Variants in POLR1G observed in about 807,000 individuals in gnomAD.
POLR1G encodes DNA-directed RNA polymerase I subunit RPA34.
In POLR1G, 9 loss-of-function variants were observed where a neutral mutation model predicts 6.3. The observed-to-expected ratio is 1.44, with a 90% CI of 0.87 to 2.51. The LOEUF (loss-of-function observed/expected upper bound fraction) is 2.51, where lower values mean the gene tolerates loss of function less well. POLR1G is among the 30% of genes most tolerant of loss of function. POLR1G has a pLI of 0.00. For synonymous variants in POLR1G, 248 were observed against 256.5 expected, an observed-to-expected ratio of 0.97 and a Z score of 0.32; for missense variants, 617 against 632.5, an observed-to-expected ratio of 0.98 and a Z score of 0.26.
Position 45,408,182 on chromosome 19 carries a change from A to C in POLR1G, c.214A>C (p.Lys72Gln), listed in dbSNP as rs1455919962. The C allele has an allele frequency of 3.7e-6, 6 of 1,612,602 alleles. No homozygotes were observed. Among genetic ancestry groups the C allele is most frequent in the Non-Finnish European group, 5.1e-6 (6 of 1,178,936 alleles). ...CTCTGGCTCCCAGATCGTCAAGGGC[A>C]AATTGGCAGGCAAGCGGCACCGCTA... Reference protein sequence around the residue: ...PLSGSQIVKGKLAGKRHRYRV... With the variant: ...PLSGSQIVKGQLAGKRHRYRV... Residue 72 changes from lysine to glutamine, a missense_variant, in exon 3 of 3, where the codon AAA becomes CAA. Coordinates refer to ENST00000309424, the MANE Select transcript of POLR1G (RefSeq NM_012099.3).
chr19:45,408,952 G>T lies in POLR1G; in HGVS notation c.984G>T (p.Lys328Asn), dbSNP rs752666450. 1.9e-6 allele frequency: 3 copies of T among 1,614,020 alleles called. No individual in the cohort carries two copies. Among genetic ancestry groups the T allele is most frequent in the Non-Finnish European group, 2.5e-6 (3 of 1,179,992 alleles). ...AAGCCATCCCTCTGCCCCCTACGAA[G>T]AAGAGGAAAAAAGAAAAGGGACAGA... is the stretch of plus-strand genomic sequence containing the variant. Reference protein sequence around the residue: ...LEEAIPLPPTKKRKKEKGQMA... With the variant: ...LEEAIPLPPTNKRKKEKGQMA... The change falls in exon 3 of 3, where the codon AAG becomes AAT. Residue 328 changes from lysine (K) to asparagine (N), a missense_variant. Transcript: ENST00000309424.
chr19:45,409,160 G>A lies in POLR1G; in HGVS notation c.1192G>A (p.Glu398Lys). The change falls in exon 3 of 3, where the codon GAG becomes AAG. Residue 398 changes from glutamate to lysine, a missense_variant. Coordinates refer to ENST00000309424, the MANE Select transcript of POLR1G (RefSeq NM_012099.3). Reference sequence around the variant, plus strand: ...AGAAAAACAGCAAGATGCCACAGTGGAGCCAGAGACAGAGGTGGTGGGGCC... The same window carrying A: ...AGAAAAACAGCAAGATGCCACAGTGAAGCCAGAGACAGAGGTGGTGGGGCC... Reference protein sequence around the residue: ...KKEKQQDATVEPETEVVGPEL... With the variant: ...KKEKQQDATVKPETEVVGPEL... 1.2e-5 allele frequency: 19 copies of A among 1,613,576 alleles called. No individual in the cohort carries two copies. The highest frequency in any genetic ancestry group is 1.6e-5 in the Non-Finnish European group (19 of 1,179,686).
chr19:45,408,622 T>A lies in POLR1G; in HGVS notation c.654T>A (p.Asn218Lys), dbSNP rs756199096. 2 of 1,610,722 alleles carry A rather than the reference T, an allele frequency of 1.2e-6. No homozygotes were observed. The highest frequency in any genetic ancestry group is 4.5e-5 in the East Asian group (2 of 44,740). The change falls in exon 3 of 3, where the codon AAT (asparagine) becomes AAA (lysine). Residue 218 changes from asparagine (N) to lysine (K), a missense_variant. Asn to Lys is a moderately conservative substitution (Grantham distance 94, BLOSUM62 0). Transcript: ENST00000309424. ...MDVRKKKKKK[N>K]QQLKEPEAAG... ...TGCGGAAGAAGAAGAAGAAAAAAAA[T>A]CAGCAGCTGAAAGAACCAGAGGCAG...
Position 45,408,597 on chromosome 19 carries a change from T to G in POLR1G, c.629T>G (p.Val210Gly). ...GCTTTGGGGTCGCCAGAAATGGATG[T>G]GCGGAAGAAGAAGAAGAAAAAAAAT... ...DMALGSPEMD[V>G]RKKKKKKNQQ... is the part of the protein sequence containing the mutation. Residue 210 changes from valine (V) to glycine (G), a missense_variant, in exon 3 of 3, where the codon GTG (valine) becomes GGG (glycine). Val to Gly is a moderately radical substitution (Grantham distance 109, BLOSUM62 -3). Coordinates refer to ENST00000309424, the MANE Select transcript of POLR1G (RefSeq NM_012099.3). 1 of 1,612,114 alleles carries G rather than the reference T, an allele frequency of 6.2e-7. No individual in the cohort carries two copies. The highest frequency in any genetic ancestry group is 1.3e-5 in the African/African-American group (1 of 74,330).
chr19:45,408,060 AC>A (rs1973451773), intron 2 of POLR1G, 72 bp from the exon 3 acceptor site: 18 of 1,441,306 alleles, frequency 1.2e-5, no homozygotes, highest in South Asian at 7.0e-5. Context: ...TCAAAAAAAA[AC>A]AAAAAAAAAA....
rs1196537456 is a variant in POLR1G, at chr19:45,409,890, TTATTA to T, written c.*391_*395del. On this transcript the variant is annotated 3_prime_UTR_variant, in exon 3 of 3. Coordinates refer to ENST00000309424, the MANE Select transcript of POLR1G (RefSeq NM_012099.3). ...CAATCTTTTTAAGTTATTATTATTA[TTATTA>T]TTTTTTTTTTTTTTGAGATGGAGTC... 53 of 241,758 alleles carry T rather than the reference TTATTA, an allele frequency of 2.2e-4. No individual in the cohort carries two copies. The highest frequency in any genetic ancestry group is 8.1e-4 in the African/African-American group (19 of 23,446). The allele number at this position is 241,758 out of a possible 1,614,324, so 15.0% of individuals were successfully genotyped here. A position where few individuals can be genotyped will look rare whatever the true frequency, so the allele number is the denominator to read the frequency against.
rs1973538524 is a variant in POLR1G, at chr19:45,409,259, G to A, written c.1291G>A (p.Gly431Ser). Residue 431 changes from glycine to serine, a missense_variant, in exon 3 of 3, where the codon GGT becomes AGT. Gly to Ser is a moderately conservative substitution (Grantham distance 56). Transcript: ENST00000309424. Reference sequence around the variant, plus strand: ...GAAGAAGAAGAAGAAGAAAGAGAGAGGTCACACAGTGACTGAGCCAATTCA... The same window carrying A: ...GAAGAAGAAGAAGAAGAAAGAGAGAAGTCACACAGTGACTGAGCCAATTCA... ...TKKKKKKKER[G>S]HTVTEPIQPL... The A allele has an allele frequency of 6.2e-7, 1 of 1,613,480 alleles. No individual in the cohort carries two copies. The highest frequency in any genetic ancestry group is 1.6e-4 in the Middle Eastern group (1 of 6,062).
intron 1 of POLR1G, 82 bp from the exon 2 acceptor site, chr19:45,407,012 G>A: frequency 1.3e-6 from 2 of 1,515,706 alleles, no homozygotes; most frequent in Admixed American, 2.3e-5. Flanking sequence ...ACGAGGTTAA[G>A]ACCAATGGAC....
chr19:45,407,144 T>G lies in POLR1G; in HGVS notation c.73T>G (p.Ser25Ala). The G allele has an allele frequency of 1.2e-6, 2 of 1,612,328 alleles. No homozygotes were observed. Among genetic ancestry groups the G allele is most frequent in the Non-Finnish European group, 1.7e-6 (2 of 1,179,594 alleles). ...PPNFTAKPPA[S>A]ESPRFSLEAL... is the part of the protein sequence containing the mutation. Reference sequence around the variant, plus strand: ...CAACTTTACCGCGAAGCCCCCAGCCTCAGAGTCCCCTCGTTTCTCCTTGGA... The same window carrying G: ...CAACTTTACCGCGAAGCCCCCAGCCGCAGAGTCCCCTCGTTTCTCCTTGGA... The change falls in exon 2 of 3, where the codon TCA becomes GCA. Residue 25 changes from serine (S) to alanine (A), a missense_variant. Coordinates refer to ENST00000309424, the MANE Select transcript of POLR1G (RefSeq NM_012099.3).
Position 45,409,127 on chromosome 19 carries a change from A to T in POLR1G, c.1159A>T (p.Thr387Ser). 6.2e-7 allele frequency: 1 copy of T among 1,613,166 alleles called. No individual in the cohort carries two copies. Among genetic ancestry groups the T allele is most frequent in the Middle Eastern group, 1.7e-4 (1 of 6,056 alleles). Residue 387 changes from threonine (T) to serine (S), a missense_variant, in exon 3 of 3, where the codon ACG becomes TCG. Transcript: ENST00000309424. ...AGCTCTGGCAGCTCCCAAAAAGAAG[A>T]CGAAGAAAGAAAAACAGCAAGATGC... ...QAALAAPKKKTKKEKQQDATV... is the reference protein window; with the variant it reads ...QAALAAPKKKSKKEKQQDATV...
Position 45,406,654 on chromosome 19 carries a change from G to C in POLR1G, c.-43G>C, listed in dbSNP as rs376019190. 12 of 1,545,994 alleles carry C rather than the reference G, an allele frequency of 7.8e-6. No individual in the cohort carries two copies. The highest frequency in any genetic ancestry group is 5.5e-5 in the African/African-American group (4 of 72,582). On this transcript the variant is annotated 5_prime_UTR_variant, in exon 1 of 3. Coordinates refer to ENST00000309424, the MANE Select transcript of POLR1G (RefSeq NM_012099.3). This position sits in a 1 kb window ranked among gnomAD's most constrained non-coding sequence, Gnocchi z 4.2. Reference sequence around the variant, plus strand: ...ATCCACGTGGTCTGCAACCTGGTGCGAGCAGCCCGGGCTACAGGGTTGCCT... The same window carrying C: ...ATCCACGTGGTCTGCAACCTGGTGCCAGCAGCCCGGGCTACAGGGTTGCCT...
chr19:45,407,534 C>T (rs111448570), intron 2 of POLR1G: 5,064 of 365,016 alleles, frequency 0.014, 63 homozygotes, highest in Non-Finnish European at 0.02. Flanking sequence ...ATTAATCCTG[C>T]AACCTAAGCT....
At position 45,408,558 on chromosome 19, in the gene POLR1G, T is replaced by G. The variant is rs574241250; in HGVS notation, c.590T>G (p.Leu197Arg). The change falls in exon 3 of 3, where the codon CTG becomes CGG. Residue 197 changes from leucine (L) to arginine (R), a missense_variant. Coordinates refer to ENST00000309424, the MANE Select transcript of POLR1G (RefSeq NM_012099.3). Reference sequence around the variant, plus strand: ...GAGGCAGTGAATGGGCACGGGGCCCTGGAGGTGGACATGGCTTTGGGGTCG... The same window carrying G: ...GAGGCAGTGAATGGGCACGGGGCCCGGGAGGTGGACATGGCTTTGGGGTCG... Reference protein sequence around the residue: ...TQEAVNGHGALEVDMALGSPE... With the variant: ...TQEAVNGHGAREVDMALGSPE... 4 of 1,613,118 alleles carry G rather than the reference T, an allele frequency of 2.5e-6. No individual in the cohort carries two copies. The African/African-American group carries it at 5.4e-5, about 22-fold the overall frequency.
chr19:45,409,175 G>C lies in POLR1G; in HGVS notation c.1207G>C (p.Val403Leu), dbSNP rs1459197193. Residue 403 changes from valine (V) to leucine (L), a missense_variant, in exon 3 of 3, where the codon GTG becomes CTG. By Grantham distance (32) the Val-to-Leu change is conservative (BLOSUM62 1). Transcript: ENST00000309424. ...TGCCACAGTGGAGCCAGAGACAGAG[G>C]TGGTGGGGCCTGAGCTGCCGGATGA... ...QDATVEPETEVVGPELPDDLE... is the reference protein window; with the variant it reads ...QDATVEPETELVGPELPDDLE... 6.2e-7 allele frequency: 1 copy of C among 1,613,564 alleles called. No homozygotes were observed.
In POLR1G at chr19:45,406,907, A is replaced by C; in HGVS notation, c.23-187A>C. On this transcript the variant is annotated intron_variant, in intron 1 of 2. Coordinates refer to ENST00000309424, the MANE Select transcript of POLR1G (RefSeq NM_012099.3). This position sits in a 1 kb window ranked among gnomAD's most constrained non-coding sequence, Gnocchi z 4.2. ...TGTGGGGGGCTACCCGTGGAGAGCAAGGCGCCCCCAGGGGTTGGATCGGTG... is the reference window on the plus strand; with the variant it reads ...TGTGGGGGGCTACCCGTGGAGAGCACGGCGCCCCCAGGGGTTGGATCGGTG... 1 of 963,808 alleles carries C rather than the reference A, an allele frequency of 1.0e-6. No individual in the cohort carries two copies. Among genetic ancestry groups the C allele is most frequent in the Non-Finnish European group, 1.5e-6 (1 of 670,818 alleles). The allele number at this position is 963,808 out of a possible 1,614,324, so 59.7% of individuals were successfully genotyped here.
At position 45,406,753 on chromosome 19, in the gene POLR1G, G is replaced by C; in HGVS notation, c.22+35G>C. The C allele has an allele frequency of 6.6e-7, 1 of 1,511,056 alleles. No homozygotes were observed. Among genetic ancestry groups the C allele is most frequent in the Non-Finnish European group, 8.8e-7 (1 of 1,132,762 alleles). The allele number at this position is 1,511,056 out of a possible 1,614,324, so 93.6% of individuals were successfully genotyped here. A position where few individuals can be genotyped will look rare whatever the true frequency, so the allele number is the denominator to read the frequency against. ...CGGGTTGACGGGGTGCGGAGGGTGC[G>C]TTGGTGGAAGGAGAAAGGGGCGTCC... On this transcript the variant is annotated intron_variant, in intron 1 of 2. Coordinates refer to ENST00000309424, the MANE Select transcript of POLR1G (RefSeq NM_012099.3). This position sits in a 1 kb window ranked among gnomAD's most constrained non-coding sequence, Gnocchi z 4.2.
intron 2 of POLR1G, 155 bp from the exon 3 acceptor site, chr19:45,407,978 C>G: frequency 1.0e-6 from 1 of 982,228 alleles, no homozygotes; most frequent in Non-Finnish European, 1.4e-6. Flanking sequence ...CGCTTGAACC[C>G]AGGAGGTGGA....
chr19:45,407,115 C>T lies in POLR1G; in HGVS notation c.44C>T (p.Pro15Leu), dbSNP rs1973397142. 6.2e-7 allele frequency: 1 copy of T among 1,602,346 alleles called. No homozygotes were observed. The highest frequency in any genetic ancestry group is 1.4e-5 in the African/African-American group (1 of 73,940). ...QAGDAARFSC[P>L]PNFTAKPPAS... ...GCAGATGCTGCTCGGTTCTCTTGTCCCCCCAACTTTACCGCGAAGCCCCCA... is the reference window on the plus strand; with the variant it reads ...GCAGATGCTGCTCGGTTCTCTTGTCTCCCCAACTTTACCGCGAAGCCCCCA... The change falls in exon 2 of 3, where the codon CCC becomes CTC. Residue 15 changes from proline (P) to leucine (L), a missense_variant. By Grantham distance (98) the Pro-to-Leu change is moderately conservative (BLOSUM62 -3). Transcript: ENST00000309424.
rs1184782156 is a variant in POLR1G, at chr19:45,409,889, A to ATTTTTTTTTT, written c.*390_*391insTTTTTTTTTT. On this transcript the variant is annotated 3_prime_UTR_variant, in exon 3 of 3. Coordinates refer to ENST00000309424, the MANE Select transcript of POLR1G (RefSeq NM_012099.3). ...ACAATCTTTTTAAGTTATTATTATT[A>ATTTTTTTTTT]TTATTATTTTTTTTTTTTTTGAGAT... 6.3e-5 allele frequency: 15 copies of ATTTTTTTTTT among 237,688 alleles called. No individual in the cohort carries two copies. Among genetic ancestry groups the ATTTTTTTTTT allele is most frequent in the African/African-American group, 1.3e-4 (3 of 23,592 alleles). 14.7% of individuals were successfully genotyped at this position (237,688 alleles called of 1,614,324 possible). A position where few individuals can be genotyped will look rare whatever the true frequency, so the allele number is the denominator to read the frequency against.
Sources: gnomAD v4.1 joint callset for allele counts on GRCh38, gnomAD v4.1.1 for gene constraint, Gnocchi (gnomAD v3.1) non-coding constraint, MANE v1.5 for transcripts, NCBI Gene and HGNC (gene_info 2026-07-23, HGNC 2026-07-21) for gene names.